The following CTBP2 variants were observed in gnomAD, a reference collection of about 807,000 sequenced individuals.
CTBP2 encodes the protein C-terminal binding protein 2, also known as C-terminal-binding protein 2.
In CTBP2, 30 loss-of-function variants were observed where a neutral mutation model predicts 80.3. The observed-to-expected ratio is 0.37, with a 90% confidence interval of 0.28 to 0.51. The LOEUF is 0.51. CTBP2 is among the 20% of genes least tolerant of loss of function. The pLI is 0.93. For synonymous variants in CTBP2, 594 were observed against 587.4 expected (o/e 1.01, Z -0.16); for missense variants, 1,212 against 1,375.3 (o/e 0.88, Z 1.88).
At chr10:124,994,415 G>C in intron 5 of CTBP2, 54 bp downstream of exon 7, 2 of 1,564,534 alleles carry the variant, frequency 1.3e-6, no homozygotes, top group South Asian at 2.2e-5. Context: ...GTGCCCACAA[G>C]CAAGTGCTAC....
intron 1 of CTBP2, among the ~76,000 whole-genome samples, chr10:125,131,244 CAGA>C (rs1025721310): frequency 4.6e-5 from 7 of 152,212 alleles, no homozygotes; most frequent in Admixed American, 2.6e-4. Flanking sequence ...TTCCCAGAAG[CAGA>C]AGATCAGGAG....
intron 2 of CTBP2, among the ~76,000 whole-genome samples, chr10:125,110,789 T>C (rs1460255611): frequency 6.6e-6 from 1 of 152,208 alleles, no homozygotes; most frequent in Non-Finnish European, 1.5e-5. Flanking sequence ...TCAGAGTTAA[T>C]TACATGTATT....
chr10:125,154,433 C>A (rs1485886733), intron 1 of CTBP2, among the ~76,000 whole-genome samples: 1 of 152,202 alleles, frequency 6.6e-6, no homozygotes, highest in Non-Finnish European at 1.5e-5. Flanking sequence ...GGACAAAAGT[C>A]ACAATTCTCT....
intron 2 of CTBP2, among the ~76,000 whole-genome samples, chr10:125,110,101 G>T (rs1852056309): frequency 6.6e-6 from 1 of 152,178 alleles, no homozygotes; most frequent in South Asian, 2.1e-4. Context: ...AGGCCTGAGG[G>T]CCTGGTCACA....
intron 2 of CTBP2, among the ~76,000 whole-genome samples, chr10:125,043,028 A>G (rs1960280401): frequency 6.6e-6 from 1 of 152,246 alleles, no homozygotes. Flanking sequence ...TTTGGTGCCA[A>G]GAAATTCAAC....
intron 1 of CTBP2, among the ~76,000 whole-genome samples, chr10:125,143,555 T>C (rs1294282121): frequency 6.6e-6 from 1 of 152,222 alleles, no homozygotes; most frequent in Non-Finnish European, 1.5e-5. Context: ...TCTAAAATAT[T>C]GTATACCTAT....
rs570335583 is a variant in CTBP2 at position 125,048,006 on chromosome 10, G to C, written c.-101-8851C>G. 2.0e-5 allele frequency among the ~76,000 whole-genome samples: 3 copies of C among 152,312 alleles called. No homozygotes were observed. The South Asian group carries it at 6.2e-4, about 32-fold the overall frequency. On this transcript the variant is annotated intron_variant, in intron 2 of 10. Transcript: ENST00000337195. ...TCAGAGAGGCCTGGAATCCTCGACT[G>C]ATTTTATGGGGCCTCTACTGTCCTT...
chr10:125,155,039 C>T (rs1455689936), intron 1 of CTBP2, among the ~76,000 whole-genome samples: 1 of 152,184 alleles, frequency 6.6e-6, no homozygotes. Flanking sequence ...AATCACATTT[C>T]GAGGGGGTAG....
chr10:125,067,056 T>C (rs1452531226), intron 2 of CTBP2, among the ~76,000 whole-genome samples: 5 of 152,208 alleles, frequency 3.3e-5, no homozygotes, highest in Admixed American at 1.3e-4. Flanking sequence ...CCACCTGCTA[T>C]GTGGGGCGAT....
In CTBP2 at chr10:124,989,883, T is replaced by C. The variant is rs1472480080; in HGVS notation, c.2778-185A>G. 1.3e-5 allele frequency among the ~76,000 whole-genome samples: 2 copies of C among 152,066 alleles called. 1 individual carries two copies. The highest frequency in any genetic ancestry group is 2.9e-5 in the Non-Finnish European group (2 of 68,010). On this transcript the variant is annotated intron_variant, in intron 8 of 8. Transcript: ENST00000309035. ...ACCCAAGTAGTGGCGACCACAGGCA[T>C]GAGCCACCACGCCTAGCTAGTTTTT...
upstream of CTBP2, among the ~76,000 whole-genome samples, chr10:125,030,938 G>T (rs913439565): frequency 2.6e-5 from 4 of 152,158 alleles, no homozygotes; most frequent in African/African-American, 9.7e-5. Context: ...GGTGATAGCG[G>T]AAATAACATC....
intron 1 of CTBP2, among the ~76,000 whole-genome samples, chr10:125,144,646 G>A (rs1440616181): frequency 1.3e-5 from 2 of 152,128 alleles, no homozygotes; most frequent in East Asian, 1.9e-4. Context: ...TGAGGGCCTC[G>A]GGGGCGCTCC....
chr10:125,094,862 A>ATT (rs60252831), intron 2 of CTBP2, among the ~76,000 whole-genome samples: 2 of 147,334 alleles, frequency 1.4e-5, no homozygotes, highest in East Asian at 2.0e-4. Flanking sequence ...ATTACCGGCA[A>ATT]TTTTTTTTTT....
chr10:125,035,375 T>A (rs932955597), intron 3 of CTBP2, among the ~76,000 whole-genome samples: 2 of 152,162 alleles, frequency 1.3e-5, no homozygotes, highest in African/African-American at 4.8e-5. Flanking sequence ...GCAGAGGAAA[T>A]GGAGAAGCAC....
chr10:125,032,529 GCCACT>G (rs1958358091), upstream of CTBP2, among the ~76,000 whole-genome samples: 1 of 152,152 alleles, frequency 6.6e-6, no homozygotes, highest in Admixed American at 6.5e-5. Flanking sequence ...CAAAAAACCT[GCCACT>G]CCTCAAGATG....
At chr10:124,998,391 A>C (rs1953955012) in intron 3 of CTBP2, 1 of 589,706 alleles carries the variant, frequency 1.7e-6, no homozygotes, top group Admixed American at 3.0e-5. Context: ...CCCAAGGAGG[A>C]CTTTTGCTCC....
chr10:125,009,792 TG>T (rs1195443591), intron 1 of CTBP2, among the ~76,000 whole-genome samples: 1 of 152,166 alleles, frequency 6.6e-6, no homozygotes, highest in Non-Finnish European at 1.5e-5. Context: ...GCTGCCTCAG[TG>T]GGTCTACAGG....
chr10:125,131,041 G>A (rs1017353265), intron 1 of CTBP2, among the ~76,000 whole-genome samples: 1 of 152,204 alleles, frequency 6.6e-6, no homozygotes, highest in Non-Finnish European at 1.5e-5. Flanking sequence ...CAGGCGGGGA[G>A]GCAGAGGGAG....
chr10:125,155,597 G>T (rs531904863), intron 1 of CTBP2, among the ~76,000 whole-genome samples: 126 of 151,638 alleles, frequency 8.3e-4, no homozygotes, highest in African/African-American at 3.0e-3. Context: ...ATTAAATCAT[G>T]ATCAAAAGGG....
Sources: gnomAD v4.1 joint callset for allele counts (sites outside exome capture counted in the v4.1 genomes callset) on GRCh38, gnomAD v4.1.1 for gene constraint, MANE v1.5 for transcripts, NCBI Gene and HGNC (gene_info 2026-07-23, HGNC 2026-07-21) for gene names.